Variants in TDRP observed in about 807,000 individuals in gnomAD.
TDRP encodes the protein testis development related protein.
A neutral mutation model predicts 10.5 loss-of-function variants in TDRP; 12 were observed. The observed-to-expected ratio is 1.15, with a 90% CI of 0.73 to 1.86. The LOEUF (loss-of-function observed/expected upper bound fraction) is 1.86, where lower values mean the gene tolerates loss of function less well. Ranked by LOEUF, TDRP falls within the 40% of genes most tolerant of loss-of-function variation. The pLI, the probability that TDRP is intolerant of heterozygous loss-of-function variation, is 0.00. For missense variants in TDRP, 353 were observed against 229.2 expected (o/e 1.54, Z -3.49); for synonymous variants, 139 against 95.4 (o/e 1.46, Z -2.67).
intron 1 of TDRP, among the ~76,000 whole-genome samples, chr8:528,871 A>C (rs11985247): frequency 6.6e-6 from 1 of 151,782 alleles, no homozygotes; most frequent in Non-Finnish European, 1.5e-5. Context: ...GTAAAGGGGA[A>C]TTTATTAAGT....
At chr8:497,095 T>C (rs1801157919) in intron 1 of TDRP, among the ~76,000 whole-genome samples, 1 of 152,146 alleles carries the variant, frequency 6.6e-6, no homozygotes, top group Non-Finnish European at 1.5e-5. Context: ...AGGAGTGCGG[T>C]ACTGCTATAA....
upstream of TDRP, among the ~76,000 whole-genome samples, chr8:545,160 C>T (rs1012897286): frequency 6.9e-6 from 1 of 145,782 alleles, no homozygotes; most frequent in Admixed American, 6.8e-5. Context: ...GTCCCCGCCA[C>T]CGCCCCGGCG....
At position 492,611 on chromosome 8, in the gene TDRP, G is replaced by C. The variant is rs573016249; in HGVS notation, c.346C>G (p.Leu116Val). ...IEGWEPPKLA[L>V]EDISADPEDT... ...TCAGGGTCAGCCGATATGTCTTCAAGAGCAAGTTTTGGAGGCTCCCAACCT... is the reference window on the plus strand; with the variant it reads ...TCAGGGTCAGCCGATATGTCTTCAACAGCAAGTTTTGGAGGCTCCCAACCT... The change falls in exon 3 of 3, where the codon CTT (leucine) becomes GTT (valine). Residue 116 changes from leucine to valine, a missense_variant. Physicochemically the swap from Leu to Val is conservative, Grantham distance 32. Coordinates refer to ENST00000324079, the MANE Select transcript of TDRP (RefSeq NM_001384899.1). 8.7e-6 allele frequency: 14 copies of C among 1,614,012 alleles called. No homozygotes were observed. In the South Asian group the frequency reaches 1.2e-4, roughly 14 times the overall value.
chr8:497,538 G>A (rs1174296796), intron 1 of TDRP, among the ~76,000 whole-genome samples: 1 of 152,170 alleles, frequency 6.6e-6, no homozygotes, highest in Non-Finnish European at 1.5e-5. Flanking sequence ...TGGAACTTAT[G>A]TTTAAAAGGC....
chr8:526,147 G>A (rs1392211433), intron 1 of TDRP, among the ~76,000 whole-genome samples: 1 of 152,024 alleles, frequency 6.6e-6, no homozygotes, highest in Non-Finnish European at 1.5e-5. Flanking sequence ...AGTATTTGTT[G>A]TAGCCATGCC....
intron 1 of TDRP, among the ~76,000 whole-genome samples, chr8:537,662 G>C (rs1802383073): frequency 6.6e-6 from 1 of 152,084 alleles, no homozygotes; most frequent in Admixed American, 6.6e-5. Flanking sequence ...CGGGGTTTGA[G>C]AATTATGACT....
At chr8:499,057 T>A (rs933149469) in intron 1 of TDRP, among the ~76,000 whole-genome samples, 1 of 152,166 alleles carries the variant, frequency 6.6e-6, no homozygotes, top group African/African-American at 2.4e-5. Context: ...AGTGTGTAAA[T>A]GGACTAATAC....
At chr8:535,029 C>G (rs963374608) in intron 1 of TDRP, among the ~76,000 whole-genome samples, 2 of 152,198 alleles carry the variant, frequency 1.3e-5, no homozygotes, top group East Asian at 3.8e-4. Flanking sequence ...GATAAAAGGA[C>G]TCGTTATCTT....
At position 538,049 on chromosome 8, in the gene TDRP, G is replaced by A. The variant is rs950106283; in HGVS notation, c.108+6601C>T. 5.9e-5 allele frequency among the ~76,000 whole-genome samples: 9 copies of A among 152,206 alleles called. No homozygotes were observed. In the South Asian group the frequency reaches 1.9e-3, roughly 31 times the overall value. On this transcript the variant is annotated intron_variant, in intron 1 of 2. Coordinates refer to ENST00000324079, the MANE Select transcript of TDRP (RefSeq NM_001384899.1). ...AAAATGTCTGCAACCTTTCACCACT[G>A]ATAAAGAAAAAGCTTCTGCGGCATT... is the stretch of plus-strand genomic sequence containing the variant.
chr8:534,298 A>T (rs1289376524), intron 1 of TDRP, among the ~76,000 whole-genome samples: 1 of 152,262 alleles, frequency 6.6e-6, no homozygotes, highest in Non-Finnish European at 1.5e-5. Flanking sequence ...ACAGTCAATT[A>T]GCAAATACTA....
At chr8:536,965 G>T (rs748568185) in intron 1 of TDRP, among the ~76,000 whole-genome samples, 1 of 152,126 alleles carries the variant, frequency 6.6e-6, no homozygotes, top group East Asian at 1.9e-4. Flanking sequence ...TCATATGAGA[G>T]TCCAATGAGA....
intron 1 of TDRP, among the ~76,000 whole-genome samples, chr8:502,940 C>G (rs1335360199): frequency 1.3e-5 from 2 of 151,814 alleles, no homozygotes; most frequent in Non-Finnish European, 2.9e-5. Context: ...ACATTGAATC[C>G]AGAGCCACAC....
chr8:490,340 C>T lies in TDRP; in HGVS notation c.*2059G>A, dbSNP rs1020120540. 2.0e-5 allele frequency: 3 copies of T among 151,314 alleles called. No individual in the cohort carries two copies. Among genetic ancestry groups the T allele is most frequent in the African/African-American group, 7.4e-5 (3 of 40,600 alleles). The allele number at this position is 151,314 out of a possible 1,614,324, so 9.4% of individuals were successfully genotyped here. A position where few individuals can be genotyped will look rare whatever the true frequency, so the allele number is the denominator to read the frequency against. On this transcript the variant is annotated 3_prime_UTR_variant, in exon 3 of 3. Coordinates refer to ENST00000324079, the MANE Select transcript of TDRP (RefSeq NM_001384899.1). ...TATTCCAATCCCAATCTGGGTTTGTCCTCAAATTTTGAGAAATAGCATAAA... is the reference window on the plus strand; with the variant it reads ...TATTCCAATCCCAATCTGGGTTTGTTCTCAAATTTTGAGAAATAGCATAAA...
At chr8:497,497 C>A (rs1010341037) in intron 1 of TDRP, among the ~76,000 whole-genome samples, 17 of 152,144 alleles carry the variant, frequency 1.1e-4, no homozygotes, top group African/African-American at 3.9e-4. Context: ...AGCATACAGT[C>A]ATATGTGTTC....
At chr8:499,753 C>T (rs575013386) in intron 1 of TDRP, among the ~76,000 whole-genome samples, 21 of 152,340 alleles carry the variant, frequency 1.4e-4, no homozygotes, top group African/African-American at 3.4e-4. Flanking sequence ...GAGCATCCCC[C>T]GGGAAGGACA....
intron 1 of TDRP, among the ~76,000 whole-genome samples, chr8:522,368 G>A (rs1462889445): frequency 2.0e-5 from 3 of 152,192 alleles, no homozygotes; most frequent in African/African-American, 7.2e-5. Context: ...TTGAGGAAGA[G>A]AAAGGGCTGG....
intron 1 of TDRP, among the ~76,000 whole-genome samples, chr8:527,671 A>C (rs1802069147): frequency 6.6e-6 from 1 of 152,214 alleles, no homozygotes; most frequent in African/African-American, 2.4e-5. Flanking sequence ...CAATCTCTTC[A>C]ATAAATGGTT....
intron 1 of TDRP, among the ~76,000 whole-genome samples, chr8:500,430 G>C (rs1801258737): frequency 6.6e-6 from 1 of 152,136 alleles, no homozygotes; most frequent in Non-Finnish European, 1.5e-5. Flanking sequence ...TGAGCACAGA[G>C]CTTGGGTGTG....
intron 1 of TDRP, among the ~76,000 whole-genome samples, chr8:530,058 A>AT (rs962170768): frequency 1.5e-3 from 211 of 141,260 alleles, no homozygotes; most frequent in African/African-American, 5.7e-3. Flanking sequence ...TTTACTTTTC[A>AT]TTTTTTTTTT....
Sources: allele counts gnomAD v4.1 joint callset (sites outside exome capture counted in the v4.1 genomes callset), GRCh38; gene constraint gnomAD v4.1.1; transcripts MANE v1.5; gene names NCBI Gene and HGNC (gene_info 2026-07-23, HGNC 2026-07-21).